Variants in RBFOX1 observed in about 807,000 individuals in gnomAD.
RBFOX1 encodes the protein RNA binding fox-1 homolog 1, also known as RNA binding protein fox-1 homolog 1.
Under a neutral mutation model 57.7 loss-of-function variants are expected in RBFOX1, and 8 were observed. That is an observed-to-expected ratio of 0.14 (90% CI 0.08 to 0.25). The LOEUF (loss-of-function observed/expected upper bound fraction) is 0.25, where lower values mean the gene tolerates loss of function less well. RBFOX1 is among the 10% of genes least tolerant of loss of function. RBFOX1 has a pLI of 1.00. For synonymous variants in RBFOX1, 326 were observed against 222.4 expected, an observed-to-expected ratio of 1.47 and a Z score of -4.15; for missense variants, 611 against 548.5, an observed-to-expected ratio of 1.11 and a Z score of -1.14.
chr16:7,006,500 A>G (rs972836254), intron 3 of RBFOX1, among the ~76,000 whole-genome samples: 2 of 151,972 alleles, frequency 1.3e-5, no homozygotes, highest in African/African-American at 4.8e-5. Flanking sequence ...GTCAGGCTGG[A>G]ATGGAGTGAT....
At chr16:5,643,066 G>C (rs2048933837) in intron 3 of RBFOX1, among the ~76,000 whole-genome samples, 1 of 152,190 alleles carries the variant, frequency 6.6e-6, no homozygotes, top group Non-Finnish European at 1.5e-5. Flanking sequence ...TGCTCCTCCA[G>C]ATTGTGGGAT....
intron 4 of RBFOX1, among the ~76,000 whole-genome samples, chr16:7,066,753 T>C (rs1264871720): frequency 6.6e-6 from 1 of 152,160 alleles, no homozygotes; most frequent in Non-Finnish European, 1.5e-5. Flanking sequence ...CTTCTTTGTA[T>C]GCCAGGGTTT....
intron 3 of RBFOX1, among the ~76,000 whole-genome samples, chr16:6,834,623 C>G (rs993235430): frequency 6.6e-6 from 1 of 152,050 alleles, no homozygotes; most frequent in Admixed American, 6.6e-5. Context: ...GATGACTAAG[C>G]AAGGGTAGAC....
At chr16:6,699,358 A>G (rs967918675) in intron 3 of RBFOX1, among the ~76,000 whole-genome samples, 6 of 151,644 alleles carry the variant, frequency 4.0e-5, no homozygotes, top group Non-Finnish European at 5.9e-5. Flanking sequence ...GGTTCTCTGT[A>G]ACAGTCATAA....
intron 3 of RBFOX1, among the ~76,000 whole-genome samples, chr16:6,791,617 G>C (rs1436613906): frequency 1.3e-5 from 2 of 152,206 alleles, no homozygotes; most frequent in African/African-American, 4.8e-5. Flanking sequence ...AAATCAGCCA[G>C]GTGTAGTGGT....
At chr16:7,530,558 G>C (rs1050359545) in intron 5 of RBFOX1, among the ~76,000 whole-genome samples, 12 of 151,858 alleles carry the variant, frequency 7.9e-5, no homozygotes, top group Non-Finnish European at 1.6e-4. Flanking sequence ...GCTCCTGGTG[G>C]TTGTATCAAT....
chr16:5,930,743 A>T (rs1375580369), intron 4 of RBFOX1, among the ~76,000 whole-genome samples: 1 of 47,526 alleles, frequency 2.1e-5, no homozygotes, highest in African/African-American at 8.7e-5. Context: ...GGCAGGTGGG[A>T]GGGTGGATGG....
intron 1 of RBFOX1, among the ~76,000 whole-genome samples, chr16:5,346,508 C>T (rs919252422): frequency 1.1e-4 from 17 of 152,118 alleles, no homozygotes; most frequent in African/African-American, 4.1e-4. Flanking sequence ...AGAGAGAGAA[C>T]CGCAAGAGCA....
intron 1 of RBFOX1, among the ~76,000 whole-genome samples, chr16:6,256,452 G>A (rs1307409642): frequency 6.6e-6 from 1 of 151,242 alleles, no homozygotes; most frequent in East Asian, 2.0e-4. Context: ...TTCATCCTTG[G>A]AGCCCTGGGA....
intron 2 of RBFOX1, among the ~76,000 whole-genome samples, chr16:6,437,635 T>A (rs1390361324): frequency 6.6e-6 from 1 of 152,184 alleles, no homozygotes; most frequent in Non-Finnish European, 1.5e-5. Flanking sequence ...AAAAGAGGTT[T>A]AATTGACTCA....
intron 4 of RBFOX1, among the ~76,000 whole-genome samples, chr16:7,239,088 T>C (rs1399734722): frequency 2.0e-5 from 3 of 152,204 alleles, no homozygotes; most frequent in Non-Finnish European, 4.4e-5. Context: ...TTGTGAATAG[T>C]GCTGCATTGA....
At chr16:6,654,039 G>C (rs542993884) in intron 2 of RBFOX1, among the ~76,000 whole-genome samples, 39 of 151,408 alleles carry the variant, frequency 2.6e-4, no homozygotes, top group Non-Finnish European at 5.3e-4. Context: ...TGAATGGATA[G>C]ATGGGTGGAT....
At chr16:6,573,063 G>C (rs1329176182) in intron 2 of RBFOX1, among the ~76,000 whole-genome samples, 1 of 152,154 alleles carries the variant, frequency 6.6e-6, no homozygotes, top group Non-Finnish European at 1.5e-5. Context: ...AGATAGGATA[G>C]TATTTTAATT....
At chr16:6,654,337 G>T (rs1260417910) in intron 2 of RBFOX1, among the ~76,000 whole-genome samples, 1 of 152,168 alleles carries the variant, frequency 6.6e-6, no homozygotes, top group East Asian at 1.9e-4. Context: ...CCTCTTTGCT[G>T]TGACCTCTGA....
chr16:6,738,663 AC>A (rs1174002636), intron 3 of RBFOX1, among the ~76,000 whole-genome samples: 1 of 152,136 alleles, frequency 6.6e-6, no homozygotes, highest in Non-Finnish European at 1.5e-5. Context: ...AGAACCCTTT[AC>A]CCCAAAAGAG....
At chr16:5,249,757 G>C (rs148506789) in intron 1 of RBFOX1, among the ~76,000 whole-genome samples, 4,659 of 152,280 alleles carry the variant, frequency 0.031, 88 homozygotes, top group Non-Finnish European at 0.044. Flanking sequence ...CCAGGAATTC[G>C]AGACCAGCTT....
intron 4 of RBFOX1, among the ~76,000 whole-genome samples, chr16:7,288,657 A>G (rs149646240): frequency 6.6e-6 from 1 of 152,148 alleles, no homozygotes; most frequent in Non-Finnish European, 1.5e-5. Flanking sequence ...CCTGGCCAAC[A>G]TGGTGAAATG....
At chr16:7,494,172 A>G (rs1316018387) in intron 4 of RBFOX1, among the ~76,000 whole-genome samples, 4 of 152,018 alleles carry the variant, frequency 2.6e-5, no homozygotes, top group African/African-American at 9.7e-5. Flanking sequence ...ATTTTTTTGG[A>G]CTGGGATGTT....
rs573495937 is a variant in RBFOX1, at chr16:6,427,334, A to T, written c.-64+110277A>T. ...TTATGTTTACATTATTCTCCTTGTC[A>T]CTGAGAACTCCAGACCCCAGTCTAT... On this transcript the variant is annotated intron_variant, in intron 2 of 15. Transcript: ENST00000550418. 9.9e-5 allele frequency among the ~76,000 whole-genome samples: 15 copies of T among 152,234 alleles called. No individual in the cohort carries two copies. The South Asian group carries it at 3.1e-3, about 32-fold the overall frequency.
Sources: allele counts gnomAD v4.1 joint callset (sites outside exome capture counted in the v4.1 genomes callset), GRCh38; gene constraint gnomAD v4.1.1; transcripts MANE v1.5; gene names NCBI Gene and HGNC (gene_info 2026-07-23, HGNC 2026-07-21).